PSG4: variants seen among roughly 807,000 people sequenced by gnomAD.
PSG4 encodes pregnancy specific beta-1-glycoprotein 4, also known as pregnancy-specific beta-1-glycoprotein 4.
A neutral mutation model predicts 44.3 loss-of-function variants in PSG4; 61 were observed. That is an observed-to-expected ratio of 1.38 (90% CI 1.12 to 1.70). The LOEUF is 1.70. Ranked by LOEUF, PSG4 falls within the 40% of genes most tolerant of loss-of-function variation. The pLI is 0.00. For synonymous variants in PSG4, 248 were observed against 191.3 expected, an observed-to-expected ratio of 1.30 and a Z score of -2.45; for missense variants, 677 against 511.7, an observed-to-expected ratio of 1.32 and a Z score of -3.12.
rs568875849 is a variant in PSG4, at chr19:43,199,446, G to C, written c.431-1171C>G. Among the ~76,000 whole-genome samples the C allele has an allele frequency of 1.6e-3, 233 of 145,770 alleles. 24 individuals are homozygous for C. Among genetic ancestry groups the C allele is most frequent in the Non-Finnish European group, 2.2e-3 (149 of 67,216 alleles). ...GATAAAGTGCTCCTTATGCAGAAAGGTTAAAACAAAGTGTTTTCGATTTCT... is the reference window on the plus strand; with the variant it reads ...GATAAAGTGCTCCTTATGCAGAAAGCTTAAAACAAAGTGTTTTCGATTTCT... On this transcript the variant is annotated intron_variant, in intron 2 of 5. Coordinates refer to ENST00000405312, the MANE Select transcript of PSG4 (RefSeq NM_002780.5).
At chr19:43,202,599 G>A (rs1337481234) in intron 2 of PSG4, among the ~76,000 whole-genome samples, 1 of 144,622 alleles carries the variant, frequency 6.9e-6, no homozygotes, top group Non-Finnish European at 1.5e-5. Context: ...TGTGAGTGGG[G>A]AAAGAAAACA....
chr19:43,198,494 G>A (rs1172848355), intron 2 of PSG4: 5 of 880,736 alleles, frequency 5.7e-6, no homozygotes, highest in Non-Finnish European at 6.3e-6. Context: ...TTTCTTAGGT[G>A]TGAATTGAGC....
At chr19:43,201,346 A>T (rs1007864666) in intron 2 of PSG4, among the ~76,000 whole-genome samples, 1 of 145,738 alleles carries the variant, frequency 6.9e-6, no homozygotes, top group Non-Finnish European at 1.5e-5. Context: ...ATAGGAGGGA[A>T]CCGAATTCTG....
Position 43,194,960 on chromosome 19 carries a change from G to A in PSG4, c.988+35C>T, listed in dbSNP as rs755917553. The A allele has an allele frequency of 4.4e-6, 7 of 1,603,864 alleles. No individual in the cohort carries two copies. In the African/African-American group the frequency reaches 8.1e-5, roughly 19 times the overall value. Reference sequence around the variant, plus strand: ...CCTCTGGTGGTTTGGATTTAAGCTGGTGTCCTGGCCCACAGAGGAACAAAA... The same window carrying A: ...CCTCTGGTGGTTTGGATTTAAGCTGATGTCCTGGCCCACAGAGGAACAAAA... On this transcript the variant is annotated intron_variant, in intron 4 of 5. Coordinates refer to ENST00000405312, the MANE Select transcript of PSG4 (RefSeq NM_002780.5).
At chr19:43,200,521 C>T (rs527489166) in intron 2 of PSG4, among the ~76,000 whole-genome samples, 2 of 145,138 alleles carry the variant, frequency 1.4e-5, no homozygotes, top group South Asian at 4.3e-4. Flanking sequence ...CTGGGGGTTC[C>T]TTCCTCAGCT....
At position 43,197,998 on chromosome 19, in the gene PSG4, G is replaced by A; in HGVS notation, c.708C>T (p.Leu236=). ...SRSDPVTLNL[L]PKLSKPYITI... is the part of the protein sequence containing the mutation. ...CACAGAGGAACAGAGGATACTCACG[G>A]AGGAGATTCAGGGTGACTGGGTCAC... The change falls in exon 3 of 6, where the codon CTC becomes CTT. Residue 236 remains leucine, a splice_region_variant and synonymous_variant. Transcript: ENST00000405312. 2 of 1,587,968 alleles carry A rather than the reference G, an allele frequency of 1.3e-6. No individual in the cohort carries two copies. The highest frequency in any genetic ancestry group is 1.7e-6 in the Non-Finnish European group (2 of 1,171,938).
chr19:43,202,784 C>T (rs1302831040), intron 2 of PSG4, among the ~76,000 whole-genome samples: 2 of 144,258 alleles, frequency 1.4e-5, no homozygotes, highest in African/African-American at 2.7e-5. Context: ...ATCAGCTGAC[C>T]ATTTGCTCTC....
intron 5 of PSG4, 161 bp downstream of exon 5, chr19:43,194,179 G>A: frequency 6.5e-7 from 1 of 1,529,836 alleles, no homozygotes; most frequent in South Asian, 1.3e-5. Context: ...TAAAGTTTTG[G>A]AAGTTCTTAG....
chr19:43,193,110 G>C lies in PSG4; in HGVS notation c.*262C>G. 1.6e-6 allele frequency: 1 copy of C among 640,840 alleles called. No individual in the cohort carries two copies. Among genetic ancestry groups the C allele is most frequent in the East Asian group, 2.7e-5 (1 of 36,824 alleles). 39.7% of individuals were successfully genotyped at this position (640,840 alleles called of 1,614,324 possible). On this transcript the variant is annotated 3_prime_UTR_variant, in exon 6 of 6. Transcript: ENST00000405312. ...GGGGTGGGAGCCTTATCATGATGGG[G>C]AGTCTTGTTCTGACATCTTTGGAAA...
chr19:43,201,348 C>T (rs62116475), intron 2 of PSG4, among the ~76,000 whole-genome samples: 7,366 of 145,552 alleles, frequency 0.051, 886 homozygotes, highest in South Asian at 0.067. Context: ...AGGAGGGAAC[C>T]GAATTCTGCT....
chr19:43,198,389 G>A (rs1356889814), intron 2 of PSG4, 114 bp from the exon 3 acceptor site: 1 of 1,452,950 alleles, frequency 6.9e-7, no homozygotes, highest in East Asian at 2.8e-5. Flanking sequence ...GTCCTTAAAA[G>A]CCCATGGAAG....
chr19:43,193,045 G>A lies in PSG4; in HGVS notation c.*327C>T, dbSNP rs1967081643. 12 of 584,598 alleles carry A rather than the reference G, an allele frequency of 2.1e-5. No homozygotes were observed. The highest frequency in any genetic ancestry group is 3.0e-5 in the Non-Finnish European group (10 of 328,470). 36.2% of individuals were successfully genotyped at this position (584,598 alleles called of 1,614,324 possible). ...GAAATTCTAATGACTGCATTATCCT[G>A]CCAAGTGAAAGAGGCAGGCATGAGC... On this transcript the variant is annotated 3_prime_UTR_variant, in exon 6 of 6. Transcript: ENST00000405312.
At position 43,195,138 on chromosome 19, in the gene PSG4, A is replaced by G; in HGVS notation, c.845T>C (p.Val282Ala). The G allele has an allele frequency of 3.1e-6, 5 of 1,610,526 alleles. 1 individual carries two copies. The highest frequency in any genetic ancestry group is 4.2e-6 in the Non-Finnish European group (5 of 1,179,056). Residue 282 changes from valine (V) to alanine (A), a missense_variant, in exon 4 of 6, where the codon GTC becomes GCC. Val to Ala is a moderately conservative substitution (Grantham distance 64, BLOSUM62 0). Transcript: ENST00000405312. The stretch of plus-strand genomic sequence containing the variant: ...AATGGGTCGCTTTACCCTGGGACTG[A>G]CAGGGAGGCTCTGACCATTTAGCCA... Reference protein sequence around the residue: ...IWWLNGQSLPVSPRVKRPIEN... With the variant: ...IWWLNGQSLPASPRVKRPIEN...
At chr19:43,194,688 G>A in intron 4 of PSG4, 94 bp from the exon 5 acceptor site, 1 of 1,514,744 alleles carries the variant, frequency 6.6e-7, no homozygotes, top group Non-Finnish European at 8.9e-7. Context: ...TCTAAGCCAA[G>A]ACACACCTTC....
At chr19:43,205,323 G>A (rs1967733715) in intron 1 of PSG4, 150 bp downstream of exon 1, 2 of 1,007,630 alleles carry the variant, frequency 2.0e-6, no homozygotes, top group Non-Finnish European at 2.8e-6. Flanking sequence ...TGGCCAGACT[G>A]ATCTTGAACT....
Position 43,192,796 on chromosome 19 carries a change from C to T in PSG4, c.*576G>A, listed in dbSNP as rs915265071. On this transcript the variant is annotated 3_prime_UTR_variant, in exon 6 of 6. Transcript: ENST00000405312. ...TAGGAAATGGTGAGAGCCATCCACACAATGTGCATTTAAAGGAGACTCTAC... is the reference window on the plus strand; with the variant it reads ...TAGGAAATGGTGAGAGCCATCCACATAATGTGCATTTAAAGGAGACTCTAC... 5.2e-6 allele frequency: 1 copy of T among 193,992 alleles called. No individual in the cohort carries two copies. Among genetic ancestry groups the T allele is most frequent in the African/African-American group, 2.3e-5 (1 of 42,618 alleles). 12.0% of individuals were successfully genotyped at this position (193,992 alleles called of 1,614,324 possible).
chr19:43,201,940 A>G (rs1449229307), intron 2 of PSG4, among the ~76,000 whole-genome samples: 1 of 144,210 alleles, frequency 6.9e-6, no homozygotes, highest in Admixed American at 6.9e-5. Context: ...CACAAAGGGA[A>G]AGAGCCCTTG....
intron 1 of PSG4, among the ~76,000 whole-genome samples, chr19:43,205,232 T>C (rs1313582836): frequency 2.1e-5 from 3 of 140,682 alleles, no homozygotes; most frequent in Non-Finnish European, 4.5e-5. Flanking sequence ...CACAGCCTCC[T>C]GAGTAGCTAT....
chr19:43,193,325 C>G lies in PSG4; in HGVS notation c.*47G>C. The G allele has an allele frequency of 1.3e-6, 1 of 775,204 alleles. No individual in the cohort carries two copies. The highest frequency in any genetic ancestry group is 2.4e-6 in the Non-Finnish European group (1 of 417,616). The allele number at this position is 775,204 out of a possible 1,614,324, so 48.0% of individuals were successfully genotyped here. A position where few individuals can be genotyped will look rare whatever the true frequency, so the allele number is the denominator to read the frequency against. Reference sequence around the variant, plus strand: ...CTTCTGGAACAGAGTGGGTCTTGCTCTTCGTGATTCCATGGGAGAAAATGG... The same window carrying G: ...CTTCTGGAACAGAGTGGGTCTTGCTGTTCGTGATTCCATGGGAGAAAATGG... On this transcript the variant is annotated 3_prime_UTR_variant, in exon 6 of 6. Coordinates refer to ENST00000405312, the MANE Select transcript of PSG4 (RefSeq NM_002780.5).
Sources: allele counts gnomAD v4.1 joint callset (sites outside exome capture counted in the v4.1 genomes callset), GRCh38; gene constraint gnomAD v4.1.1; transcripts MANE v1.5; gene names NCBI Gene and HGNC (gene_info 2026-07-23, HGNC 2026-07-21).